The following ANKRD31 variants were observed in gnomAD, a reference collection of about 807,000 sequenced individuals.
ANKRD31 encodes ankyrin repeat domain 31, also known as ankyrin repeat domain-containing protein 31.
In ANKRD31, 147 loss-of-function variants were observed where a neutral mutation model predicts 186.0. That is an observed-to-expected ratio of 0.79 (90% confidence interval 0.69 to 0.91). The LOEUF is 0.91. ANKRD31 is among the 40% of genes least tolerant of loss of function. The pLI is 0.00. For missense variants in ANKRD31, 1,986 were observed against 2,148.8 expected (o/e 0.92, Z 1.50); for synonymous variants, 673 against 736.4 (o/e 0.91, Z 1.39).
chr5:75,189,634 C>T (rs1754970237), intron 9 of ANKRD31, among the ~76,000 whole-genome samples: 1 of 152,172 alleles, frequency 6.6e-6, no homozygotes, highest in Admixed American at 6.5e-5. Flanking sequence ...GCAGTCTTTA[C>T]TTCCAAATCT....
intron 10 of ANKRD31, among the ~76,000 whole-genome samples, chr5:75,173,610 C>T (rs1263080493): frequency 6.6e-6 from 1 of 152,160 alleles, no homozygotes; most frequent in Non-Finnish European, 1.5e-5. Context: ...AGAGCCAAGT[C>T]ACGAGTGAAC....
At chr5:75,210,015 G>A (rs1232921421) in intron 4 of ANKRD31, among the ~76,000 whole-genome samples, 1 of 152,184 alleles carries the variant, frequency 6.6e-6, no homozygotes, top group African/African-American at 2.4e-5. Context: ...TAATGTGTTA[G>A]TATTATTATG....
At chr5:75,071,017 A>G (rs1421440823) in intron 25 of ANKRD31, among the ~76,000 whole-genome samples, 3 of 152,204 alleles carry the variant, frequency 2.0e-5, no homozygotes, top group African/African-American at 7.2e-5. Context: ...TGTATGTATC[A>G]AAATTCTGTT....
chr5:75,227,505 T>G (rs1400363303), intron 2 of ANKRD31, among the ~76,000 whole-genome samples: 2 of 152,126 alleles, frequency 1.3e-5, no homozygotes, highest in Non-Finnish European at 2.9e-5. Flanking sequence ...CATGCCTAAA[T>G]ATCTCATATA....
intron 17 of ANKRD31, among the ~76,000 whole-genome samples, chr5:75,123,724 T>C (rs559072163): frequency 2.0e-5 from 3 of 152,096 alleles, no homozygotes; most frequent in Admixed American, 6.5e-5. Flanking sequence ...ATAAATAGTG[T>C]TGGGAAAATT....
intron 17 of ANKRD31, among the ~76,000 whole-genome samples, chr5:75,124,518 T>C (rs1309526236): frequency 1.3e-5 from 2 of 152,140 alleles, no homozygotes; most frequent in African/African-American, 4.8e-5. Flanking sequence ...ATAGCAAAGA[T>C]ATGGAATCAA....
chr5:75,117,795 A>T (rs944283737), intron 18 of ANKRD31, among the ~76,000 whole-genome samples: 6 of 152,126 alleles, frequency 3.9e-5, no homozygotes, highest in Non-Finnish European at 5.9e-5. Flanking sequence ...AAACTTCAGT[A>T]TAATGTCGCC....
At chr5:75,181,291 T>C (rs1018127472) in intron 10 of ANKRD31, among the ~76,000 whole-genome samples, 10 of 152,266 alleles carry the variant, frequency 6.6e-5, no homozygotes, top group African/African-American at 2.4e-4. Flanking sequence ...TTGGTGGGAC[T>C]GTAAACTAGT....
intron 22 of ANKRD31, among the ~76,000 whole-genome samples, chr5:75,102,548 T>G (rs1304132173): frequency 6.6e-6 from 1 of 152,228 alleles, no homozygotes; most frequent in African/African-American, 2.4e-5. Context: ...TACAGAGGCA[T>G]GAAGGCCTCC....
chr5:75,199,862 G>A, intron 5 of ANKRD31, among the ~76,000 whole-genome samples, 188 bp from the exon 6 acceptor site: 1 of 151,876 alleles, frequency 6.6e-6, no homozygotes. Flanking sequence ...TAAAATTCTT[G>A]CATTTCTTAA....
chr5:75,147,190 C>G lies in ANKRD31; in HGVS notation c.2221G>C (p.Asp741His). ...TTTCTTGGATTACAGTCTACATCAT[C>G]TACTTGGGTCCTTTTATGTTGTGTT... ...RKTQHKRTQV[D>H]DVDCNPRKIL... The change falls in exon 14 of 26, where the codon GAT (aspartate) becomes CAT (histidine). Residue 741 changes from aspartate to histidine, a missense_variant. By Grantham distance (81) the Asp-to-His change is moderately conservative. Transcript: ENST00000506364. 1 of 1,536,316 alleles carries G rather than the reference C, an allele frequency of 6.5e-7. No homozygotes were observed. Among genetic ancestry groups the G allele is most frequent in the Middle Eastern group, 1.7e-4 (1 of 5,982 alleles).
In ANKRD31 at chr5:75,146,141, T is replaced by C; in HGVS notation, c.3270A>G (p.Ile1090Met). ...TCCTTTTTTCAACTTTAGTTGTTTC[T>C]ATTACTTGAGAATGAGCAACTATGG... ...PLSIVAHSQV[I>M]ETTKVEKRRQ... Residue 1090 changes from isoleucine (I) to methionine (M), a missense_variant, in exon 14 of 26, where the codon ATA becomes ATG. By Grantham distance (10) the Ile-to-Met change is conservative. Coordinates refer to ENST00000506364, the MANE Select transcript of ANKRD31 (RefSeq NM_001372053.1). 1.3e-6 allele frequency: 2 copies of C among 1,536,206 alleles called. No individual in the cohort carries two copies. Among genetic ancestry groups the C allele is most frequent in the Non-Finnish European group, 1.7e-6 (2 of 1,146,326 alleles).
intron 10 of ANKRD31, among the ~76,000 whole-genome samples, chr5:75,182,014 G>A (rs1209666499): frequency 6.6e-6 from 1 of 152,036 alleles, no homozygotes; most frequent in Non-Finnish European, 1.5e-5. Context: ...ATGGATTGAT[G>A]GATGGACAGA....
chr5:75,154,475 CTTGTCCAAT>C, intron 11 of ANKRD31, 130 bp from the exon 12 acceptor site: 5 of 821,556 alleles, frequency 6.1e-6, no homozygotes, highest in Non-Finnish European at 8.2e-6. Context: ...TCTATAAATC[CTTGTCCAAT>C]AAAAAAAGAA....
intron 6 of ANKRD31, among the ~76,000 whole-genome samples, chr5:75,197,721 C>T (rs1755564313): frequency 6.6e-6 from 1 of 152,142 alleles, no homozygotes; most frequent in South Asian, 2.1e-4. Flanking sequence ...ATACATTGGG[C>T]TCTGTCTTAA....
Position 75,148,590 on chromosome 5 carries a change from C to T in ANKRD31, c.1891G>A (p.Val631Met). The change falls in exon 13 of 26, where the codon GTG becomes ATG. Residue 631 changes from valine (V) to methionine (M), a missense_variant. By Grantham distance (21) the Val-to-Met change is conservative. Transcript: ENST00000506364. ...CATAGATATACCTTGTGTTGGTACA[C>T]ATCCTCTATGTCTAGTGGGTCAATG... ...SSIDPLDIEDVYQHKKPKFSS... is the reference protein window; with the variant it reads ...SSIDPLDIEDMYQHKKPKFSS... The T allele has an allele frequency of 6.6e-7, 1 of 1,525,174 alleles. No homozygotes were observed. Among genetic ancestry groups the T allele is most frequent in the Non-Finnish European group, 8.8e-7 (1 of 1,140,106 alleles). 94.5% of individuals were successfully genotyped at this position (1,525,174 alleles called of 1,614,324 possible). A position where few individuals can be genotyped will look rare whatever the true frequency, so the allele number is the denominator to read the frequency against.
intron 10 of ANKRD31, among the ~76,000 whole-genome samples, chr5:75,178,031 G>A (rs1043376968): frequency 1.3e-5 from 2 of 152,116 alleles, no homozygotes; most frequent in African/African-American, 4.8e-5. Flanking sequence ...ATAAAGGGAT[G>A]GAGGAAGATC....
At chr5:75,198,421 A>T (rs1755612475) in intron 6 of ANKRD31, among the ~76,000 whole-genome samples, 1 of 152,176 alleles carries the variant, frequency 6.6e-6, no homozygotes, top group Non-Finnish European at 1.5e-5. Context: ...AAAAAAATGG[A>T]GGCAGTGGAG....
intron 9 of ANKRD31, among the ~76,000 whole-genome samples, chr5:75,190,100 G>A (rs554161543): frequency 5.4e-4 from 82 of 151,708 alleles, no homozygotes; most frequent in African/African-American, 1.9e-3. Context: ...GCTCATTGCA[G>A]CCTCAACTTC....
Sources: allele counts gnomAD v4.1 joint callset (sites outside exome capture counted in the v4.1 genomes callset), GRCh38; gene constraint gnomAD v4.1.1; transcripts MANE v1.5; gene names NCBI Gene and HGNC (gene_info 2026-07-23, HGNC 2026-07-21).